ZDHHC3: variants seen among roughly 807,000 people sequenced by gnomAD.
ZDHHC3 encodes the protein palmitoyltransferase ZDHHC3.
ZDHHC3 carries 9 observed loss-of-function variants against 30.6 expected under a neutral mutation model. The ratio of observed to expected loss-of-function variants is 0.29; its 90% CI spans 0.18 to 0.51. The LOEUF (loss-of-function observed/expected upper bound fraction) is 0.51. Ranked by LOEUF, ZDHHC3 falls within the 20% of genes least tolerant of loss-of-function variation. ZDHHC3 has a pLI of 0.97. For synonymous variants in ZDHHC3, 136 were observed against 140.2 expected, an observed-to-expected ratio of 0.97 and a Z score of 0.21; for missense variants, 246 against 384.2, an observed-to-expected ratio of 0.64 and a Z score of 3.01.
rs1700493429 is a variant in ZDHHC3, at chr3:44,920,195, C to T, written c.*6494G>A. 7.8e-7 allele frequency: 1 copy of T among 1,289,270 alleles called. No homozygotes were observed. The highest frequency in any genetic ancestry group is 1.5e-5 in the African/African-American group (1 of 65,858). 79.9% of individuals were successfully genotyped at this position (1,289,270 alleles called of 1,614,324 possible). ...GTTGACACAAGTCTAAAGGGACCTTCATGTGGGTCATGAGCATGTGATGCC... is the reference window on the plus strand; with the variant it reads ...GTTGACACAAGTCTAAAGGGACCTTTATGTGGGTCATGAGCATGTGATGCC... On this transcript the variant is annotated 3_prime_UTR_variant, in exon 7 of 7. Coordinates refer to ENST00000424952, the MANE Select transcript of ZDHHC3 (RefSeq NM_001135179.2).
chr3:44,963,092 G>A (rs147140531), intron 1 of ZDHHC3, among the ~76,000 whole-genome samples: 3 of 152,312 alleles, frequency 2.0e-5, no homozygotes, highest in African/African-American at 4.8e-5. Context: ...TGTCTGCTTA[G>A]TTTCAGGACT....
chr3:44,957,624 T>C (rs957169401), intron 2 of ZDHHC3, among the ~76,000 whole-genome samples: 1 of 152,198 alleles, frequency 6.6e-6, no homozygotes, highest in Non-Finnish European at 1.5e-5. Context: ...CATTCCTACG[T>C]CTCTGTGCAA....
chr3:44,924,181 T>G lies in ZDHHC3; in HGVS notation c.*2508A>C. 1 of 985,448 alleles carries G rather than the reference T, an allele frequency of 1.0e-6. No individual in the cohort carries two copies. Among genetic ancestry groups the G allele is most frequent in the Non-Finnish European group, 1.2e-6 (1 of 829,934 alleles). The allele number at this position is 985,448 out of a possible 1,614,324, so 61.0% of individuals were successfully genotyped here. A position where few individuals can be genotyped will look rare whatever the true frequency, so the allele number is the denominator to read the frequency against. On this transcript the variant is annotated 3_prime_UTR_variant, in exon 7 of 7. Coordinates refer to ENST00000424952, the MANE Select transcript of ZDHHC3 (RefSeq NM_001135179.2). ...GACCAAGCCAAAAGTTGGGGCTGAC[T>G]TTGTGTAGAAAGATGTCCTCTTTCA...
chr3:44,947,180 G>A (rs905255652), intron 2 of ZDHHC3, among the ~76,000 whole-genome samples: 1 of 152,224 alleles, frequency 6.6e-6, no homozygotes, highest in Non-Finnish European at 1.5e-5. Flanking sequence ...ATTTTTAGCA[G>A]CTGGTAAGTG....
chr3:44,920,561 A>G lies in ZDHHC3; in HGVS notation c.*6128T>C, dbSNP rs1700522461. 2 of 985,128 alleles carry G rather than the reference A, an allele frequency of 2.0e-6. No individual in the cohort carries two copies. The highest frequency in any genetic ancestry group is 3.5e-5 in the African/African-American group (2 of 57,352). The allele number at this position is 985,128 out of a possible 1,614,324, so 61.0% of individuals were successfully genotyped here. On this transcript the variant is annotated 3_prime_UTR_variant, in exon 7 of 7. Coordinates refer to ENST00000424952, the MANE Select transcript of ZDHHC3 (RefSeq NM_001135179.2). ...GAAACAGAAGTTCCAAGAGGCCATG[A>G]CGGTGGCCAAGGCTCATCTAGCTTG...
In ZDHHC3 at chr3:44,924,326, CTCTTGGCAAAATATCAG is replaced by C. The variant is rs1700821162; in HGVS notation, c.*2346_*2362del. Reference sequence around the variant, plus strand: ...ATGGCTACATTCCTCAGTCATTGTGCTCTTGGCAAAATATCAGTCTGAACAAAAATGAAATAGGAAAA... The same window carrying C: ...ATGGCTACATTCCTCAGTCATTGTGCTCTGAACAAAAATGAAATAGGAAAA... On this transcript the variant is annotated 3_prime_UTR_variant, in exon 7 of 7. Transcript: ENST00000424952. The C allele has an allele frequency of 2.6e-5, 26 of 985,318 alleles. No individual in the cohort carries two copies. The highest frequency in any genetic ancestry group is 2.9e-5 in the Non-Finnish European group (24 of 829,950). The allele number at this position is 985,318 out of a possible 1,614,324, so 61.0% of individuals were successfully genotyped here.
chr3:44,970,644 C>G (rs1245052259), intron 1 of ZDHHC3, among the ~76,000 whole-genome samples: 2 of 152,166 alleles, frequency 1.3e-5, no homozygotes, highest in Non-Finnish European at 2.9e-5. Flanking sequence ...TCCCGATTTG[C>G]TAATATTCAA....
At chr3:44,970,254 G>A (rs1372249865) in intron 1 of ZDHHC3, among the ~76,000 whole-genome samples, 3 of 152,358 alleles carry the variant, frequency 2.0e-5, no homozygotes, top group South Asian at 4.1e-4. Context: ...ACCACAGAAA[G>A]AAGGCTGTAA....
chr3:44,942,679 C>T (rs1183244157), intron 3 of ZDHHC3, among the ~76,000 whole-genome samples: 1 of 152,262 alleles, frequency 6.6e-6, no homozygotes, highest in Admixed American at 6.5e-5. Context: ...TTAGCAATAG[C>T]TTACGCTTGT....
In ZDHHC3 at chr3:44,959,535, T is replaced by C. The variant is rs1371116109; in HGVS notation, c.-24-75A>G. On this transcript the variant is annotated intron_variant, in intron 1 of 6. Transcript: ENST00000424952. This position sits in a 1 kb window ranked among gnomAD's most constrained non-coding sequence, Gnocchi z 4.3. ...AGGAGGTTTGACAAAATTGCTCCCA[T>C]AGTGAGTTGTGATTACTTATCTGCA... 2 of 1,355,592 alleles carry C rather than the reference T, an allele frequency of 1.5e-6. No homozygotes were observed. Among genetic ancestry groups the C allele is most frequent in the Non-Finnish European group, 2.0e-6 (2 of 986,590 alleles). 84.0% of individuals were successfully genotyped at this position (1,355,592 alleles called of 1,614,324 possible). A position where few individuals can be genotyped will look rare whatever the true frequency, so the allele number is the denominator to read the frequency against.
In ZDHHC3 at chr3:44,926,536, T is replaced by C; in HGVS notation, c.*153A>G. ...AAATAAAATGTGGGGACTTTTTTTT[T>C]TCTCTGCAATGCTCAGCCATTTTAC... On this transcript the variant is annotated 3_prime_UTR_variant, in exon 7 of 7. Transcript: ENST00000424952. 1 of 1,256,680 alleles carries C rather than the reference T, an allele frequency of 8.0e-7. No homozygotes were observed. Among genetic ancestry groups the C allele is most frequent in the Non-Finnish European group, 1.0e-6 (1 of 997,596 alleles). The allele number at this position is 1,256,680 out of a possible 1,614,324, so 77.8% of individuals were successfully genotyped here. A position where few individuals can be genotyped will look rare whatever the true frequency, so the allele number is the denominator to read the frequency against.
chr3:44,933,250 T>C (rs771403091), intron 4 of ZDHHC3, 51 bp from the exon 5 acceptor site: 18 of 1,572,516 alleles, frequency 1.1e-5, no homozygotes, highest in Non-Finnish European at 1.6e-5. Context: ...TCCTCTGACC[T>C]CACGGGCTCC....
In ZDHHC3 at chr3:44,923,876, C is replaced by A. The variant is rs938187341; in HGVS notation, c.*2813G>T. The A allele has an allele frequency of 4.1e-6, 4 of 985,442 alleles. No homozygotes were observed. The highest frequency in any genetic ancestry group is 4.8e-6 in the Non-Finnish European group (4 of 829,930). 61.0% of individuals were successfully genotyped at this position (985,442 alleles called of 1,614,324 possible). On this transcript the variant is annotated 3_prime_UTR_variant, in exon 7 of 7. Transcript: ENST00000424952. ...AAAAGGAGATTTAGCACATGCACTTCTACCCAAATGTGTTTTGTGTACATG... is the reference window on the plus strand; with the variant it reads ...AAAAGGAGATTTAGCACATGCACTTATACCCAAATGTGTTTTGTGTACATG...
intron 1 of ZDHHC3, among the ~76,000 whole-genome samples, chr3:44,965,404 C>T (rs1048969132): frequency 2.6e-5 from 4 of 152,144 alleles, no homozygotes; most frequent in Non-Finnish European, 5.9e-5. Context: ...ATGCCTCAGT[C>T]CCCATGCTGT....
chr3:44,955,457 T>TTATATATATATATATATATATGTA (rs150337679), intron 2 of ZDHHC3, among the ~76,000 whole-genome samples: 1 of 143,970 alleles, frequency 6.9e-6, no homozygotes, highest in Non-Finnish European at 1.5e-5. Flanking sequence ...CACAAGGTTT[T>TTATATATATATATATATATATGTA]TATATATATA....
chr3:44,922,076 GAAA>G lies in ZDHHC3; in HGVS notation c.*4610_*4612del. On this transcript the variant is annotated 3_prime_UTR_variant, in exon 7 of 7. Coordinates refer to ENST00000424952, the MANE Select transcript of ZDHHC3 (RefSeq NM_001135179.2). ...GATGTTTACTTGAGGGAGAGGGTGA[GAAA>G]AAGAAGGTTCAGGTTGGGAGTACGC... 2.0e-6 allele frequency: 2 copies of G among 985,410 alleles called. No individual in the cohort carries two copies. Among genetic ancestry groups the G allele is most frequent in the Non-Finnish European group, 2.4e-6 (2 of 829,924 alleles). 61.0% of individuals were successfully genotyped at this position (985,410 alleles called of 1,614,324 possible).
intron 1 of ZDHHC3, among the ~76,000 whole-genome samples, chr3:44,973,545 G>A (rs1339439259): frequency 6.6e-6 from 1 of 151,884 alleles, no homozygotes; most frequent in African/African-American, 2.4e-5. Flanking sequence ...TAAAACCTCC[G>A]CCTCCTGGGT....
rs1700971849 is a variant in ZDHHC3 at position 44,926,177 on chromosome 3, CT to C, written c.*511del. 1.0e-6 allele frequency: 1 copy of C among 985,750 alleles called. No homozygotes were observed. The highest frequency in any genetic ancestry group is 1.7e-5 in the African/African-American group (1 of 57,254). 61.1% of individuals were successfully genotyped at this position (985,750 alleles called of 1,614,324 possible). A position where few individuals can be genotyped will look rare whatever the true frequency, so the allele number is the denominator to read the frequency against. ...TGAGGTCGCTGTGCCAAGGTCCCTT[CT>C]GATCCTGCCCTTCTCAGGCCTCAAG... On this transcript the variant is annotated 3_prime_UTR_variant, in exon 7 of 7. Coordinates refer to ENST00000424952, the MANE Select transcript of ZDHHC3 (RefSeq NM_001135179.2).
chr3:44,921,613 T>C lies in ZDHHC3; in HGVS notation c.*5076A>G. On this transcript the variant is annotated 3_prime_UTR_variant, in exon 7 of 7. Transcript: ENST00000424952. ...ACAGCTCCAACACAGCTAACATTTA[T>C]AAAGCCATACCAGGGCCAGACGCTA... is the stretch of plus-strand genomic sequence containing the variant. 4.1e-6 allele frequency: 4 copies of C among 985,442 alleles called. No homozygotes were observed. The highest frequency in any genetic ancestry group is 1.7e-5 in the African/African-American group (1 of 57,374). 61.0% of individuals were successfully genotyped at this position (985,442 alleles called of 1,614,324 possible). A position where few individuals can be genotyped will look rare whatever the true frequency, so the allele number is the denominator to read the frequency against.
Sources: allele counts gnomAD v4.1 joint callset (sites outside exome capture counted in the v4.1 genomes callset), GRCh38; gene constraint gnomAD v4.1.1; non-coding constraint Gnocchi (gnomAD v3.1); transcripts MANE v1.5; gene names NCBI Gene and HGNC (gene_info 2026-07-23, HGNC 2026-07-21).